The following EPHA6 variants were observed in gnomAD, a reference collection of about 807,000 sequenced individuals.
The protein encoded by EPHA6 is EPH receptor A6, also known as ephrin type-A receptor 6.
Under a neutral mutation model 112.0 loss-of-function variants are expected in EPHA6, and 50 were observed. The observed-to-expected ratio is 0.45, with a 90% CI of 0.36 to 0.56. EPHA6 has a LOEUF of 0.56. Among genes scored for constraint, EPHA6 ranks in the 20% least tolerant of loss-of-function variants. EPHA6 has a pLI of 0.00. For synonymous variants in EPHA6, 529 were observed against 490.7 expected, an observed-to-expected ratio of 1.08 and a Z score of -1.03; for missense variants, 1,280 against 1,417.4, an observed-to-expected ratio of 0.90 and a Z score of 1.56.
chr3:97,094,379 CAG>C (rs1576476361), intron 3 of EPHA6, among the ~76,000 whole-genome samples: 1 of 152,030 alleles, frequency 6.6e-6, no homozygotes, highest in African/African-American at 2.4e-5. Flanking sequence ...CAAAAGTAAA[CAG>C]TAACTTTTAA....
chr3:97,084,104 A>G (rs1576457494), intron 3 of EPHA6, among the ~76,000 whole-genome samples: 2 of 50,468 alleles, frequency 4.0e-5, no homozygotes, highest in African/African-American at 6.5e-4. Context: ...GTGCATGGAT[A>G]TATATATATA....
chr3:97,184,652 T>C (rs1321421406), intron 3 of EPHA6, among the ~76,000 whole-genome samples: 1 of 152,144 alleles, frequency 6.6e-6, no homozygotes, highest in Non-Finnish European at 1.5e-5. Flanking sequence ...AAGTAAGTTA[T>C]AGATTCAATG....
Position 97,510,247 on chromosome 3 carries a change from A to T in EPHA6, c.2201-22111A>T, listed in dbSNP as rs552579881. ...GTTCCCTTGCTTGTGAGGAGCTGTG[A>T]TCCTTTGGAGGAGAATTCTCACTCT... is the stretch of plus-strand genomic sequence containing the variant. On this transcript the variant is annotated intron_variant, in intron 10 of 17. Coordinates refer to ENST00000389672, the MANE Select transcript of EPHA6 (RefSeq NM_001080448.3). 5.9e-5 allele frequency among the ~76,000 whole-genome samples: 9 copies of T among 152,224 alleles called. No individual in the cohort carries two copies. In the South Asian group the frequency reaches 1.9e-3, roughly 32 times the overall value.
At chr3:97,026,968 A>G (rs1475304108) in intron 3 of EPHA6, among the ~76,000 whole-genome samples, 1 of 152,190 alleles carries the variant, frequency 6.6e-6, no homozygotes, top group Non-Finnish European at 1.5e-5. Flanking sequence ...AAATCATTCT[A>G]TTATAAAGTC....
chr3:97,543,457 T>G (rs1353418186), intron 11 of EPHA6, among the ~76,000 whole-genome samples: 5 of 152,174 alleles, frequency 3.3e-5, no homozygotes, highest in African/African-American at 1.2e-4. Flanking sequence ...GGTCTATATC[T>G]CTGTTTTGGT....
chr3:96,940,053 G>T (rs1277813109), intron 2 of EPHA6, among the ~76,000 whole-genome samples: 3 of 152,224 alleles, frequency 2.0e-5, no homozygotes, highest in Admixed American at 6.5e-5. Context: ...TACGTGTGGT[G>T]TGGTGCTGAA....
chr3:97,129,808 A>G (rs2048288803), intron 3 of EPHA6, among the ~76,000 whole-genome samples: 1 of 152,176 alleles, frequency 6.6e-6, no homozygotes. Context: ...GAACTGACCT[A>G]TCAGGATTTC....
At chr3:97,219,060 C>T (rs1322670890) in intron 3 of EPHA6, among the ~76,000 whole-genome samples, 2 of 152,116 alleles carry the variant, frequency 1.3e-5, no homozygotes, top group African/African-American at 4.8e-5. Flanking sequence ...CACCCTGATG[C>T]AAGAGGTGGG....
chr3:97,570,604 C>T (rs572037176), intron 11 of EPHA6, among the ~76,000 whole-genome samples: 2 of 151,868 alleles, frequency 1.3e-5, no homozygotes, highest in Admixed American at 6.6e-5. Context: ...GTGGCAGGCA[C>T]CTGTAATCCC....
At chr3:97,490,473 TACAA>T (rs1004126510) in intron 10 of EPHA6, among the ~76,000 whole-genome samples, 2 of 152,212 alleles carry the variant, frequency 1.3e-5, no homozygotes, top group Non-Finnish European at 2.9e-5. Flanking sequence ...GTTTATAACT[TACAA>T]AGAAGTTATT....
chr3:97,198,738 A>C (rs945373022), intron 3 of EPHA6, among the ~76,000 whole-genome samples: 1 of 152,192 alleles, frequency 6.6e-6, no homozygotes, highest in African/African-American at 2.4e-5. Context: ...TGGAAAAAAC[A>C]AAGCCATTTA....
chr3:97,007,733 G>A (rs181829708), intron 3 of EPHA6, among the ~76,000 whole-genome samples: 2 of 152,118 alleles, frequency 1.3e-5, no homozygotes, highest in African/African-American at 4.8e-5. Flanking sequence ...TTTTGCAGTG[G>A]CAGGTACCAG....
intron 3 of EPHA6, among the ~76,000 whole-genome samples, chr3:97,097,126 A>T (rs565309613): frequency 5.9e-5 from 9 of 151,960 alleles, no homozygotes; most frequent in Admixed American, 5.9e-4. Context: ...AAAGAATTTG[A>T]ATGTTCCAAA....
At chr3:97,255,585 T>C (rs2079283940) in intron 5 of EPHA6, among the ~76,000 whole-genome samples, 1 of 152,318 alleles carries the variant, frequency 6.6e-6, no homozygotes, top group South Asian at 2.1e-4. Flanking sequence ...TACTACAGGG[T>C]GGTATAGCTT....
intron 3 of EPHA6, among the ~76,000 whole-genome samples, chr3:97,126,104 T>G (rs112797076): frequency 2.6e-5 from 4 of 152,256 alleles, no homozygotes; most frequent in African/African-American, 9.6e-5. Context: ...CCTACTACTT[T>G]AGAAGGCATT....
At chr3:97,347,414 T>A (rs1165499324) in intron 5 of EPHA6, among the ~76,000 whole-genome samples, 1 of 152,120 alleles carries the variant, frequency 6.6e-6, no homozygotes, top group Non-Finnish European at 1.5e-5. Context: ...ATATTATATG[T>A]CCTGTACCTA....
At chr3:97,239,444 T>G (rs1391781729) in intron 4 of EPHA6, among the ~76,000 whole-genome samples, 1 of 151,856 alleles carries the variant, frequency 6.6e-6, no homozygotes, top group African/African-American at 2.4e-5. Context: ...ACCCCAAACT[T>G]AACTACTAAT....
At chr3:96,995,840 A>T (rs538180045) in intron 3 of EPHA6, among the ~76,000 whole-genome samples, 39 of 152,198 alleles carry the variant, frequency 2.6e-4, no homozygotes, top group African/African-American at 8.4e-4. Flanking sequence ...CTCGATATTG[A>T]TGGTTGCTGA....
At chr3:96,974,006 A>G (rs1029893194) in intron 2 of EPHA6, among the ~76,000 whole-genome samples, 10 of 145,528 alleles carry the variant, frequency 6.9e-5, no homozygotes, top group Non-Finnish European at 1.5e-4. Flanking sequence ...TACTGTGTAT[A>G]TTTAATAAAA....
Sources: allele counts gnomAD v4.1 joint callset (sites outside exome capture counted in the v4.1 genomes callset), GRCh38; gene constraint gnomAD v4.1.1; transcripts MANE v1.5; gene names NCBI Gene and HGNC (gene_info 2026-07-23, HGNC 2026-07-21).